CRPPA: variants seen among roughly 807,000 people sequenced by gnomAD.
CRPPA encodes the protein CDP-L-ribitol pyrophosphorylase A.
Under a neutral mutation model 52.0 loss-of-function variants are expected in CRPPA, and 43 were observed. The observed-to-expected ratio is 0.83, with a 90% CI of 0.65 to 1.07. The LOEUF is 1.07. Among genes scored for constraint, CRPPA ranks in the 50% least tolerant of loss-of-function variants. The pLI is 0.00. For synonymous variants in CRPPA, 250 were observed against 203.5 expected, an observed-to-expected ratio of 1.23 and a Z score of -1.94; for missense variants, 629 against 551.7, an observed-to-expected ratio of 1.14 and a Z score of -1.40.
chr7:16,415,674 C>T (rs1788175953), intron 1 of CRPPA, among the ~76,000 whole-genome samples: 1 of 152,154 alleles, frequency 6.6e-6, no homozygotes. Context: ...TTTTAGCTTT[C>T]CTGGGTTCAT....
Position 16,308,565 on chromosome 7 carries a change from G to A in CRPPA, c.747C>T (p.Cys249=), listed in dbSNP as rs1311812569. ...ECLQLALKYC[C]TKAKLVEGSP... is the part of the protein sequence containing the mutation. ...ATCCTTCTACAAGTTTGGCTTTAGT[G>A]CAACAGTATTTTAGGGCCAATTGCA... is the stretch of plus-strand genomic sequence containing the variant. Residue 249 remains cysteine (C), a synonymous_variant, in exon 4 of 10, where the codon TGC becomes TGT. Coordinates refer to ENST00000407010, the MANE Select transcript of CRPPA (RefSeq NM_001101426.4). 7 of 1,610,966 alleles carry A rather than the reference G, an allele frequency of 4.3e-6. No individual in the cohort carries two copies. The African/African-American group carries it at 9.3e-5, about 22-fold the overall frequency.
At position 16,264,302 on chromosome 7, in the gene CRPPA, T is replaced by C. The variant is rs191257026; in HGVS notation, c.934-5290A>G. Among the ~76,000 whole-genome samples, 25 of 152,302 alleles carry C rather than the reference T, an allele frequency of 1.6e-4. 1 individual carries two copies. In the East Asian group the frequency reaches 4.8e-3, roughly 29 times the overall value. The stretch of plus-strand genomic sequence containing the variant: ...AATCTGCTGGCTAGAGTTTCTTCTG[T>C]AAATATTTTGGTTCAAAGGACATTT... On this transcript the variant is annotated intron_variant, in intron 6 of 9. Transcript: ENST00000407010.
intron 8 of CRPPA, among the ~76,000 whole-genome samples, chr7:16,253,083 G>A (rs1172088536): frequency 6.6e-6 from 1 of 152,006 alleles, no homozygotes; most frequent in Non-Finnish European, 1.5e-5. Context: ...TTTTTGAAGG[G>A]ATTTTTGTGT....
intron 9 of CRPPA, among the ~76,000 whole-genome samples, chr7:16,109,238 T>C (rs557973512): frequency 6.6e-6 from 1 of 151,818 alleles, no homozygotes; most frequent in African/African-American, 2.4e-5. Context: ...ACATTACAAC[T>C]GATAACACAA....
At chr7:16,321,184 G>A (rs73684130) in intron 3 of CRPPA, among the ~76,000 whole-genome samples, 15,081 of 152,018 alleles carry the variant, frequency 0.099, 910 homozygotes, top group East Asian at 0.26. Context: ...ATAATTGGGG[G>A]AAAGAAGTAA....
chr7:16,273,969 G>T (rs1335984763), intron 6 of CRPPA, among the ~76,000 whole-genome samples: 1 of 152,180 alleles, frequency 6.6e-6, no homozygotes, highest in African/African-American at 2.4e-5. Flanking sequence ...CCAGTCCTGC[G>T]AAGGGGCCAG....
intron 9 of CRPPA, among the ~76,000 whole-genome samples, chr7:16,129,879 C>T (rs1052971787): frequency 6.6e-6 from 1 of 152,166 alleles, no homozygotes; most frequent in African/African-American, 2.4e-5. Context: ...CCAGAAAAGA[C>T]ATTTCTATTT....
intron 9 of CRPPA, among the ~76,000 whole-genome samples, chr7:16,122,028 A>G (rs1274544386): frequency 6.6e-6 from 1 of 152,112 alleles, no homozygotes; most frequent in Non-Finnish European, 1.5e-5. Flanking sequence ...GAAAATACAA[A>G]TAAGCAGCAC....
At position 16,200,225 on chromosome 7, in the gene CRPPA, C is replaced by T. The variant is rs11975517; in HGVS notation, c.1251+15841G>A. Among the ~76,000 whole-genome samples, 1,017 of 152,282 alleles carry T rather than the reference C, an allele frequency of 6.7e-3. 13 individuals carry two copies. The highest frequency in any genetic ancestry group is 0.023 in the African/African-American group (974 of 41,558). ...TACTGCTTTTCTCCAAAAACATAAA[C>T]TTCAATCACCTCTCAGGAGTTCTTG... On this transcript the variant is annotated intron_variant, in intron 9 of 9. Coordinates refer to ENST00000407010, the MANE Select transcript of CRPPA (RefSeq NM_001101426.4).
At chr7:16,130,896 G>T (rs1782669357) in intron 9 of CRPPA, among the ~76,000 whole-genome samples, 1 of 151,962 alleles carries the variant, frequency 6.6e-6, no homozygotes, top group Non-Finnish European at 1.5e-5. Context: ...ATCATTACTG[G>T]GATTAGTGCC....
intron 5 of CRPPA, among the ~76,000 whole-genome samples, chr7:16,290,236 C>T (rs1374139332): frequency 6.6e-6 from 1 of 151,876 alleles, no homozygotes; most frequent in Non-Finnish European, 1.5e-5. Context: ...AAGCAATCTA[C>T]AGATTCAATA....
At chr7:16,309,882 T>C (rs1291954278) in intron 3 of CRPPA, among the ~76,000 whole-genome samples, 1 of 152,172 alleles carries the variant, frequency 6.6e-6, no homozygotes, top group Non-Finnish European at 1.5e-5. Flanking sequence ...TGGGTGCCCA[T>C]AACTAATATT....
At chr7:16,385,837 CA>C (rs1787251955) in intron 2 of CRPPA, among the ~76,000 whole-genome samples, 1 of 152,202 alleles carries the variant, frequency 6.6e-6, no homozygotes, top group African/African-American at 2.4e-5. Context: ...GCCATACACT[CA>C]AACCCCTTAT....
Position 16,421,210 on chromosome 7 carries a change from G to A in CRPPA, c.113C>T (p.Thr38Ile). 3.0e-6 allele frequency: 4 copies of A among 1,345,006 alleles called. No individual in the cohort carries two copies. Among genetic ancestry groups the A allele is most frequent in the East Asian group, 3.1e-5 (1 of 32,200 alleles). The allele number at this position is 1,345,006 out of a possible 1,614,324, so 83.3% of individuals were successfully genotyped here. Residue 38 changes from threonine (T) to isoleucine (I), a missense_variant, in exon 1 of 10, where the codon ACC becomes ATC. Physicochemically the swap from Thr to Ile is moderately conservative, Grantham distance 89 (BLOSUM62 -1). Transcript: ENST00000407010. ...GGCTTGCGGGTGGCGCCCGGGCTCG[G>A]TCCCGGCCACGCTCTGCAGGGAGGC... ...ASASLQSVAG[T>I]EPGRHPQAVA...
intron 9 of CRPPA, among the ~76,000 whole-genome samples, chr7:16,197,332 A>T (rs935878821): frequency 7.9e-5 from 12 of 152,174 alleles, no homozygotes; most frequent in African/African-American, 2.7e-4. Flanking sequence ...GAAAAGAATC[A>T]GTAAATTTTT....
At chr7:16,131,384 A>G (rs577126536) in intron 9 of CRPPA, among the ~76,000 whole-genome samples, 112 of 152,300 alleles carry the variant, frequency 7.4e-4, no homozygotes, top group Middle Eastern at 3.4e-3. Flanking sequence ...AAGTAATTCT[A>G]ATGAAGTCTG....
intron 3 of CRPPA, among the ~76,000 whole-genome samples, chr7:16,354,884 G>A (rs4463323): frequency 0.11 from 17,112 of 151,966 alleles, 1,152 homozygotes; most frequent in East Asian, 0.36. Context: ...CATATTAAAC[G>A]TTAAAACTAA....
At chr7:16,383,012 T>C (rs1051964351) in intron 2 of CRPPA, among the ~76,000 whole-genome samples, 12 of 152,270 alleles carry the variant, frequency 7.9e-5, no homozygotes, top group African/African-American at 1.9e-4. Flanking sequence ...ATTCTCCGTC[T>C]AGCTTTGTTC....
chr7:16,260,104 G>A lies in CRPPA; in HGVS notation c.934-1092C>T, dbSNP rs565773729. 1.4e-4 allele frequency among the ~76,000 whole-genome samples: 21 copies of A among 152,102 alleles called. No homozygotes were observed. In the South Asian group the frequency reaches 3.1e-3, roughly 23 times the overall value. ...AAAAAGAAACCAGTATCCATTCTGC[G>A]ATAGTAAGTTTGATCAAGTGGTAAC... On this transcript the variant is annotated intron_variant, in intron 6 of 9. Transcript: ENST00000407010.
Sources: allele counts gnomAD v4.1 joint callset (sites outside exome capture counted in the v4.1 genomes callset), GRCh38; gene constraint gnomAD v4.1.1; transcripts MANE v1.5; gene names NCBI Gene and HGNC (gene_info 2026-07-23, HGNC 2026-07-21).